The following PCSK2 variants were observed in gnomAD, a reference collection of about 807,000 sequenced individuals.
The protein encoded by PCSK2 is neuroendocrine convertase 2.
PCSK2 carries 14 observed loss-of-function variants against 69.7 expected under a neutral mutation model. That is an observed-to-expected ratio of 0.20 (90% CI 0.13 to 0.31). The LOEUF is 0.31. PCSK2 is among the 10% of genes least tolerant of loss of function. PCSK2 has a pLI of 1.00. For synonymous variants in PCSK2, 307 were observed against 320.7 expected (o/e 0.96, Z 0.46); for missense variants, 544 against 842.5 (o/e 0.65, Z 4.39).
chr20:17,326,898 G>A (rs1990071504), intron 2 of PCSK2, among the ~76,000 whole-genome samples: 1 of 152,182 alleles, frequency 6.6e-6, no homozygotes, highest in Non-Finnish European at 1.5e-5. Context: ...CCAGCTGCCT[G>A]GGATGTGGGG....
intron 2 of PCSK2, among the ~76,000 whole-genome samples, chr20:17,317,283 T>C (rs1006488946): frequency 1.2e-4 from 18 of 152,360 alleles, no homozygotes; most frequent in African/African-American, 4.1e-4. Context: ...GAATTACTGA[T>C]ACATAATTTT....
intron 2 of PCSK2, among the ~76,000 whole-genome samples, chr20:17,333,501 C>A (rs1990256532): frequency 6.6e-6 from 1 of 152,118 alleles, no homozygotes; most frequent in African/African-American, 2.4e-5. Context: ...CGAGGGTGGT[C>A]ACCAGGCATG....
At chr20:17,328,401 CAATTATATATATTATAAAATTATACAT>C (rs1990122317) in intron 2 of PCSK2, among the ~76,000 whole-genome samples, 1 of 147,234 alleles carries the variant, frequency 6.8e-6, no homozygotes. Context: ...ATATATTATG[CAATTATATATATTATAAAATTATACAT>C]AATTTTATAT....
At chr20:17,397,760 A>AGCC (rs1457030838) in intron 5 of PCSK2, among the ~76,000 whole-genome samples, 1 of 152,260 alleles carries the variant, frequency 6.6e-6, no homozygotes, top group East Asian at 1.9e-4. Flanking sequence ...TACAAGTGTG[A>AGCC]GCCGCCGCCC....
intron 2 of PCSK2, among the ~76,000 whole-genome samples, chr20:17,281,797 T>C (rs1468050762): frequency 1.3e-5 from 2 of 152,186 alleles, no homozygotes; most frequent in East Asian, 3.9e-4. Context: ...TGGGAATGTT[T>C]CTGAACCCTC....
rs567308071 is a variant in PCSK2, at chr20:17,465,415, G to T, written c.1292G>T (p.Arg431Leu). Residue 431 changes from arginine (R) to leucine (L), a missense_variant, in exon 11 of 12, where the codon CGC (arginine) becomes CTC (leucine). Physicochemically the swap from Arg to Leu is moderately radical, Grantham distance 102. Around this residue, in one of 3 missense-constraint regions of PCSK2, gnomAD observed 200 missense variants for 287.8 expected, o/e 0.69. Coordinates refer to ENST00000262545, the MANE Select transcript of PCSK2 (RefSeq NM_002594.5). Reference protein sequence around the residue: ...QLHDEVHQWRRNGVGLEFNHL... With the variant: ...QLHDEVHQWRLNGVGLEFNHL... ...CACGACGAGGTCCATCAGTGGCGGC[G>T]CAATGGGGTCGGCCTGGAATTTAAT... 1 of 1,614,086 alleles carries T rather than the reference G, an allele frequency of 6.2e-7. No homozygotes were observed. Among genetic ancestry groups the T allele is most frequent in the East Asian group, 2.2e-5 (1 of 44,874 alleles).
chr20:17,268,033 GTATATATATATATA>G (rs753655282), intron 2 of PCSK2, among the ~76,000 whole-genome samples: 8 of 66,322 alleles, frequency 1.2e-4, no homozygotes, highest in African/African-American at 3.6e-4. Flanking sequence ...TATCCAATGT[GTATATATATATATA>G]TATATATATA....
chr20:17,271,767 C>A (rs1185782850), intron 2 of PCSK2, among the ~76,000 whole-genome samples: 1 of 152,050 alleles, frequency 6.6e-6, no homozygotes, highest in Admixed American at 6.6e-5. Flanking sequence ...TGTAAAGATT[C>A]TTTTATCTTT....
At chr20:17,249,229 G>A (rs977741715) in intron 1 of PCSK2, among the ~76,000 whole-genome samples, 3 of 152,046 alleles carry the variant, frequency 2.0e-5, no homozygotes, top group Non-Finnish European at 2.9e-5. Context: ...GCATTAAGTC[G>A]GGCGCGGTGG....
intron 6 of PCSK2, among the ~76,000 whole-genome samples, chr20:17,427,551 A>G (rs2032274071): frequency 6.6e-6 from 1 of 152,194 alleles, no homozygotes; most frequent in Non-Finnish European, 1.5e-5. Context: ...TTGTTCATTC[A>G]TTGTGTCAGT....
At chr20:17,349,930 A>T (rs1022514344) in intron 2 of PCSK2, among the ~76,000 whole-genome samples, 53 of 152,152 alleles carry the variant, frequency 3.5e-4, no homozygotes, top group African/African-American at 1.2e-3. Flanking sequence ...TTCCCAGGTG[A>T]TTGCACTGTG....
chr20:17,262,925 G>A (rs1053880510), intron 2 of PCSK2, among the ~76,000 whole-genome samples: 2 of 152,100 alleles, frequency 1.3e-5, no homozygotes, highest in Admixed American at 6.6e-5. Context: ...CGTTAACTAC[G>A]GTTGCAGCCC....
At chr20:17,466,811 A>G (rs1010484163) in intron 11 of PCSK2, among the ~76,000 whole-genome samples, 1 of 152,178 alleles carries the variant, frequency 6.6e-6, no homozygotes, top group Non-Finnish European at 1.5e-5. Flanking sequence ...ACCTGCTTCC[A>G]GCTCGTCCAC....
intron 8 of PCSK2, among the ~76,000 whole-genome samples, chr20:17,445,050 G>A (rs1441634176): frequency 1.3e-5 from 2 of 152,212 alleles, no homozygotes; most frequent in Non-Finnish European, 2.9e-5. Context: ...AACTCCCAAA[G>A]TGCAGCTTAA....
At chr20:17,322,750 C>G (rs1239922600) in intron 2 of PCSK2, among the ~76,000 whole-genome samples, 1 of 152,202 alleles carries the variant, frequency 6.6e-6, no homozygotes, top group Non-Finnish European at 1.5e-5. Context: ...GATGGAAGGA[C>G]AAGAAAGGTG....
chr20:17,348,561 C>G (rs914504915), intron 2 of PCSK2, among the ~76,000 whole-genome samples: 6 of 152,098 alleles, frequency 3.9e-5, no homozygotes, highest in Admixed American at 2.6e-4. Flanking sequence ...AGTGTCGTGT[C>G]AGTTTGCGAA....
intron 8 of PCSK2, among the ~76,000 whole-genome samples, chr20:17,437,298 C>G (rs1048367261): frequency 1.5e-4 from 23 of 152,216 alleles, no homozygotes; most frequent in Non-Finnish European, 3.1e-4. Context: ...ATCCAGGAGG[C>G]AGCAGCCAAG....
intron 4 of PCSK2, among the ~76,000 whole-genome samples, chr20:17,366,686 T>C (rs891912655): frequency 6.6e-6 from 1 of 152,244 alleles, no homozygotes; most frequent in African/African-American, 2.4e-5. Context: ...TATTACTTTT[T>C]CCGAATCATG....
chr20:17,376,577 C>A (rs1427094207), intron 5 of PCSK2, among the ~76,000 whole-genome samples: 7 of 152,052 alleles, frequency 4.6e-5, no homozygotes, highest in African/African-American at 1.7e-4. Flanking sequence ...CTATCCTAGA[C>A]CTACTGAATC....
Sources: gnomAD v4.1 joint callset for allele counts (sites outside exome capture counted in the v4.1 genomes callset) on GRCh38, gnomAD v4.1.1 for gene constraint, gnomAD v4.1.1 regional missense constraint, MANE v1.5 for transcripts, NCBI Gene and HGNC (gene_info 2026-07-23, HGNC 2026-07-21) for gene names.